The following KDM4C variants were observed in gnomAD, a reference collection of about 807,000 sequenced individuals.
KDM4C encodes lysine demethylase 4C.
KDM4C carries 81 observed loss-of-function variants against 129.3 expected under a neutral mutation model. The ratio of observed to expected loss-of-function variants is 0.63; its 90% CI spans 0.52 to 0.75. The LOEUF is 0.75. KDM4C is among the 30% of genes least tolerant of loss of function. KDM4C has a pLI of 0.00. For missense variants in KDM4C, 1,457 were observed against 1,304.0 expected, an observed-to-expected ratio of 1.12 and a Z score of -1.81; for synonymous variants, 573 against 456.1, an observed-to-expected ratio of 1.26 and a Z score of -3.26.
At chr9:6,796,267 A>G (rs1827738051) in intron 2 of KDM4C, among the ~76,000 whole-genome samples, 1 of 152,170 alleles carries the variant, frequency 6.6e-6, no homozygotes, top group African/African-American at 2.4e-5. Flanking sequence ...CAACATGGTG[A>G]AACCCCATCT....
chr9:7,063,775 A>T (rs766496319), intron 17 of KDM4C, among the ~76,000 whole-genome samples: 38 of 152,320 alleles, frequency 2.5e-4, no homozygotes, highest in Admixed American at 1.1e-3. Flanking sequence ...ATAATGCCTA[A>T]TCTGAGCCCT....
At chr9:6,963,917 C>T (rs1028590592) in intron 8 of KDM4C, among the ~76,000 whole-genome samples, 2 of 152,120 alleles carry the variant, frequency 1.3e-5, no homozygotes, top group Non-Finnish European at 2.9e-5. Context: ...ATTAACTATT[C>T]AGTGCAGAGG....
At chr9:6,903,903 A>G (rs773996389) in intron 8 of KDM4C, among the ~76,000 whole-genome samples, 2 of 152,210 alleles carry the variant, frequency 1.3e-5, no homozygotes, top group Admixed American at 1.3e-4. Flanking sequence ...TCAAGATCCT[A>G]TAGATTATTT....
At chr9:6,766,364 A>G (rs975261447) in intron 1 of KDM4C, among the ~76,000 whole-genome samples, 18 of 152,116 alleles carry the variant, frequency 1.2e-4, no homozygotes, top group Admixed American at 1.2e-3. Context: ...TAATCGTACA[A>G]AAAGCTATAA....
intron 8 of KDM4C, among the ~76,000 whole-genome samples, chr9:6,966,286 C>T (rs1465261900): frequency 1.3e-5 from 2 of 152,068 alleles, no homozygotes; most frequent in Non-Finnish European, 2.9e-5. Flanking sequence ...AGGTTCACGC[C>T]ATTCTCCTGC....
chr9:6,759,104 T>C (rs1818878736), intron 1 of KDM4C, among the ~76,000 whole-genome samples: 1 of 152,130 alleles, frequency 6.6e-6, no homozygotes, highest in Non-Finnish European at 1.5e-5. Context: ...GGTAAACTTT[T>C]TTTTGCGCTT....
intron 13 of KDM4C, 124 bp from the exon 14 acceptor site, chr9:7,013,664 A>G (rs538773656): frequency 5.5e-5 from 47 of 855,884 alleles, no homozygotes; most frequent in Non-Finnish European, 8.3e-5. Flanking sequence ...TTGGTCAAGG[A>G]GAACAACAGG....
chr9:6,790,921 A>G (rs770703843), intron 1 of KDM4C, among the ~76,000 whole-genome samples: 28 of 152,108 alleles, frequency 1.8e-4, no homozygotes, highest in African/African-American at 5.8e-4. Context: ...AAACCTGCCT[A>G]CTTTCCTACT....
intron 2 of KDM4C, among the ~76,000 whole-genome samples, chr9:6,799,113 C>T (rs1828393557): frequency 6.6e-6 from 1 of 151,584 alleles, no homozygotes; most frequent in African/African-American, 2.4e-5. Flanking sequence ...TCCTCACGTC[C>T]CAGACGATGG....
chr9:6,911,780 C>G (rs1819360594), intron 8 of KDM4C, among the ~76,000 whole-genome samples: 1 of 152,184 alleles, frequency 6.6e-6, no homozygotes, highest in South Asian at 2.1e-4. Context: ...TGTGACCCAG[C>G]TGAATGTTTC....
At chr9:6,748,177 AAAC>A (rs1817946230) in intron 1 of KDM4C, among the ~76,000 whole-genome samples, 1 of 58,954 alleles carries the variant, frequency 1.7e-5, no homozygotes, top group East Asian at 5.5e-4. Context: ...AAAAAAAAAC[AAAC>A]AAACAAACAA....
At chr9:7,117,254 G>A (rs563058336) in intron 18 of KDM4C, among the ~76,000 whole-genome samples, 3 of 152,046 alleles carry the variant, frequency 2.0e-5, no homozygotes, top group East Asian at 1.9e-4. Flanking sequence ...CCTTCTTGGT[G>A]GTACAGAAAA....
In KDM4C at chr9:6,984,163, C is replaced by A. The variant is rs761674599; in HGVS notation, c.1116-3C>A. ...CTCTGACCACTGCTTCTCTTGTTGA[C>A]AGCTTCCAGTGTGCTAGGTCTACCT... On this transcript the variant is annotated splice_polypyrimidine_tract_variant and splice_region_variant and intron_variant, in intron 9 of 21. Transcript: ENST00000381309. 11 of 1,602,980 alleles carry A rather than the reference C, an allele frequency of 6.9e-6. No homozygotes were observed. In the African/African-American group the frequency reaches 1.3e-4, roughly 19 times the overall value.
At chr9:6,778,015 G>C (rs11787672) in intron 1 of KDM4C, among the ~76,000 whole-genome samples, 3 of 150,542 alleles carry the variant, frequency 2.0e-5, no homozygotes, top group African/African-American at 4.9e-5. Flanking sequence ...TGAACTCTTG[G>C]ACTCAGGGAA....
chr9:7,062,400 A>T (rs1176709805), intron 17 of KDM4C, among the ~76,000 whole-genome samples: 1 of 147,510 alleles, frequency 6.8e-6, no homozygotes, highest in Non-Finnish European at 1.5e-5. Context: ...TTACTTGTTT[A>T]TTTTTGAGAC....
intron 17 of KDM4C, among the ~76,000 whole-genome samples, chr9:7,102,835 C>A (rs1014568858): frequency 6.6e-6 from 1 of 152,142 alleles, no homozygotes; most frequent in Non-Finnish European, 1.5e-5. Flanking sequence ...CTTTCCAGAC[C>A]TAACCCTATG....
chr9:7,062,540 A>C (rs1050410242), intron 17 of KDM4C, among the ~76,000 whole-genome samples: 1 of 151,774 alleles, frequency 6.6e-6, no homozygotes, highest in African/African-American at 2.4e-5. Context: ...GGTTTGCACT[A>C]CTATTTCCAG....
Position 6,986,683 on chromosome 9 carries a change from A to AT in KDM4C, c.1677+23dup, listed in dbSNP as rs752533601. On this transcript the variant is annotated intron_variant, in intron 11 of 21. Coordinates refer to ENST00000381309, the MANE Select transcript of KDM4C (RefSeq NM_015061.6). ...GTCCCCAGTGTATGTGGCAATATCCATTTTTTACCATATTCATTATATGGT... is the reference window on the plus strand; with the variant it reads ...GTCCCCAGTGTATGTGGCAATATCCATTTTTTTACCATATTCATTATATGGT... The AT allele has an allele frequency of 4.7e-5, 73 of 1,549,238 alleles. No homozygotes were observed. Among genetic ancestry groups the AT allele is most frequent in the Admixed American group, 1.9e-4 (10 of 53,488 alleles).
chr9:6,865,573 T>C (rs939098516), intron 5 of KDM4C, among the ~76,000 whole-genome samples: 1 of 152,062 alleles, frequency 6.6e-6, no homozygotes, highest in East Asian at 1.9e-4. Flanking sequence ...CTCTTCTTTT[T>C]TCTTTCTTTT....
Sources: gnomAD v4.1 joint callset for allele counts (sites outside exome capture counted in the v4.1 genomes callset) on GRCh38, gnomAD v4.1.1 for gene constraint, MANE v1.5 for transcripts, NCBI Gene and HGNC (gene_info 2026-07-23, HGNC 2026-07-21) for gene names.